Variants in LRRC8B observed in about 807,000 individuals in gnomAD.
The protein encoded by LRRC8B is volume-regulated anion channel subunit LRRC8B.
In LRRC8B, 23 loss-of-function variants were observed where a neutral mutation model predicts 58.8. The observed-to-expected ratio is 0.39, with a 90% CI of 0.28 to 0.55. LRRC8B has a LOEUF of 0.55. Ranked by LOEUF, LRRC8B falls within the 20% of genes least tolerant of loss-of-function variation. The probability of loss-of-function intolerance (pLI) is 0.62; values close to 1 mark genes in which losing one functional copy is unlikely to be tolerated. For synonymous variants in LRRC8B, 359 were observed against 374.1 expected, an observed-to-expected ratio of 0.96 and a Z score of 0.47; for missense variants, 694 against 936.0, an observed-to-expected ratio of 0.74 and a Z score of 3.37.
intron 1 of LRRC8B, among the ~76,000 whole-genome samples, chr1:89,538,895 A>G (rs1650743637): frequency 6.6e-6 from 1 of 151,846 alleles, no homozygotes. Context: ...TAATTTACGT[A>G]TTTTTTAATA....
chr1:89,591,861 C>T (rs1654997435), intron 5 of LRRC8B, among the ~76,000 whole-genome samples: 1 of 152,000 alleles, frequency 6.6e-6, no homozygotes, highest in Non-Finnish European at 1.5e-5. Context: ...GGCCCCTGTC[C>T]CCAGCCAATA....
chr1:89,582,425 G>A (rs1204782543), intron 4 of LRRC8B, among the ~76,000 whole-genome samples, 200 bp from the exon 5 acceptor site: 1 of 152,144 alleles, frequency 6.6e-6, no homozygotes, highest in African/African-American at 2.4e-5. Flanking sequence ...CCATCTAAGA[G>A]ACTATGGTTC....
chr1:89,525,745 T>C (rs1649641453), intron 1 of LRRC8B, among the ~76,000 whole-genome samples: 1 of 152,174 alleles, frequency 6.6e-6, no homozygotes, highest in Admixed American at 6.5e-5. Flanking sequence ...TGCCTTTAGT[T>C]AGATGACATT....
chr1:89,577,485 A>T (rs565935454), intron 3 of LRRC8B, among the ~76,000 whole-genome samples: 1 of 152,302 alleles, frequency 6.6e-6, no homozygotes, highest in East Asian at 1.9e-4. Flanking sequence ...GTGTGTTTGT[A>T]TATTAGAAAT....
At chr1:89,541,047 A>G (rs538361090) in intron 1 of LRRC8B, among the ~76,000 whole-genome samples, 1 of 152,324 alleles carries the variant, frequency 6.6e-6, no homozygotes, top group African/African-American at 2.4e-5. Context: ...TATTAGCACA[A>G]CTTTTTAAAT....
At chr1:89,530,196 A>G (rs917656325) in intron 1 of LRRC8B, among the ~76,000 whole-genome samples, 1 of 145,562 alleles carries the variant, frequency 6.9e-6, no homozygotes, top group African/African-American at 2.5e-5. Context: ...AAAAAATACA[A>G]AAAAAAAAAA....
chr1:89,526,170 G>T (rs146036158), intron 1 of LRRC8B, among the ~76,000 whole-genome samples: 97 of 152,292 alleles, frequency 6.4e-4, no homozygotes, highest in African/African-American at 2.2e-3. Context: ...TACCCTCTAT[G>T]TGTACAGGCT....
intron 1 of LRRC8B, among the ~76,000 whole-genome samples, chr1:89,538,918 C>T (rs1241448693): frequency 3.3e-5 from 5 of 152,062 alleles, no homozygotes; most frequent in Admixed American, 2.0e-4. Flanking sequence ...GATGGGGTTT[C>T]GCCATGTTGG....
At chr1:89,535,931 G>A (rs1650494672) in intron 1 of LRRC8B, among the ~76,000 whole-genome samples, 2 of 152,094 alleles carry the variant, frequency 1.3e-5, no homozygotes, top group South Asian at 4.2e-4. Flanking sequence ...TTGAGAGGGA[G>A]AGGACAACAG....
chr1:89,545,518 G>T (rs1010742839), intron 1 of LRRC8B, among the ~76,000 whole-genome samples: 7 of 152,180 alleles, frequency 4.6e-5, no homozygotes, highest in African/African-American at 1.4e-4. Flanking sequence ...TGCATGCCCT[G>T]TCCAAGGCAT....
At chr1:89,534,666 A>T (rs954962417) in intron 1 of LRRC8B, among the ~76,000 whole-genome samples, 14 of 152,230 alleles carry the variant, frequency 9.2e-5, no homozygotes, top group African/African-American at 3.4e-4. Flanking sequence ...ACGTGTAATC[A>T]AAGCAAGTGT....
chr1:89,540,800 G>A (rs1650908102), intron 1 of LRRC8B, among the ~76,000 whole-genome samples: 1 of 152,172 alleles, frequency 6.6e-6, no homozygotes, highest in African/African-American at 2.4e-5. Flanking sequence ...AGGGCAGTGG[G>A]ATGAAGTAGA....
intron 5 of LRRC8B, 144 bp downstream of exon 5, chr1:89,584,933 C>T: frequency 3.4e-6 from 2 of 587,706 alleles, no homozygotes; most frequent in Non-Finnish European, 5.9e-6. Context: ...AAACACTGAG[C>T]ATCCATTTTT....
At position 89,584,298 on chromosome 1, in the gene LRRC8B, T is replaced by G; in HGVS notation, c.1648T>G (p.Ser550Ala). 1 of 1,614,110 alleles carries G rather than the reference T, an allele frequency of 6.2e-7. No homozygotes were observed. Among genetic ancestry groups the G allele is most frequent in the Non-Finnish European group, 8.5e-7 (1 of 1,180,034 alleles). Residue 550 changes from serine to alanine, a missense_variant, in exon 5 of 6, where the codon TCC (serine) becomes GCC (alanine). Transcript: ENST00000330947. ...GACCCTGTACTTGAAGAGCAGCCTC[T>G]CCCGGATCCCACAAGTTGTTACAGA... ...LRTLYLKSSL[S>A]RIPQVVTDLL...
At chr1:89,567,105 C>T (rs1190923089) in intron 1 of LRRC8B, among the ~76,000 whole-genome samples, 1 of 152,320 alleles carries the variant, frequency 6.6e-6, no homozygotes, top group East Asian at 1.9e-4. Flanking sequence ...CCGCCTGCCT[C>T]AGCAGCTGGG....
intron 1 of LRRC8B, among the ~76,000 whole-genome samples, chr1:89,540,593 C>T (rs908273185): frequency 7.9e-5 from 12 of 152,274 alleles, no homozygotes; most frequent in Middle Eastern, 3.4e-3. Context: ...CAGTGCTGAC[C>T]GTGGCACAGC....
At chr1:89,576,235 T>G (rs778195508) in intron 3 of LRRC8B, among the ~76,000 whole-genome samples, 21 of 152,228 alleles carry the variant, frequency 1.4e-4, no homozygotes, top group Non-Finnish European at 2.9e-4. Context: ...AAAGGATTCA[T>G]GTGGAGATGG....
chr1:89,582,640 A>G lies in LRRC8B; in HGVS notation c.-11A>G. On this transcript the variant is annotated 5_prime_UTR_variant, in exon 5 of 6. Coordinates refer to ENST00000330947, the MANE Select transcript of LRRC8B (RefSeq NM_001369817.2). Reference sequence around the variant, plus strand: ...CCTCTTCCAGTTTCTGTCCTCCTACAAGGGAAAGTCATGATTACACTAACT... The same window carrying G: ...CCTCTTCCAGTTTCTGTCCTCCTACGAGGGAAAGTCATGATTACACTAACT... 1 of 1,596,266 alleles carries G rather than the reference A, an allele frequency of 6.3e-7. No homozygotes were observed. Among genetic ancestry groups the G allele is most frequent in the Non-Finnish European group, 8.6e-7 (1 of 1,165,100 alleles).
intron 4 of LRRC8B, 74 bp downstream of exon 4, chr1:89,579,762 G>C (rs1654092725): frequency 6.6e-6 from 1 of 152,498 alleles, no homozygotes; most frequent in Admixed American, 6.6e-5. Context: ...TATTCACTCT[G>C]TCAAATACCC....
Sources: gnomAD v4.1 joint callset for allele counts (sites outside exome capture counted in the v4.1 genomes callset) on GRCh38, gnomAD v4.1.1 for gene constraint, MANE v1.5 for transcripts, NCBI Gene and HGNC (gene_info 2026-07-23, HGNC 2026-07-21) for gene names.